The following TCTN1 variants were observed in gnomAD, a reference collection of about 807,000 sequenced individuals.
TCTN1 encodes tectonic family member 1, also known as tectonic-1.
In TCTN1, 58 loss-of-function variants were observed where a neutral mutation model predicts 65.8. The ratio of observed to expected loss-of-function variants is 0.88; its 90% CI spans 0.71 to 1.10. The LOEUF (loss-of-function observed/expected upper bound fraction) is 1.10. TCTN1 is among the 50% of genes least tolerant of loss of function. TCTN1 has a pLI of 0.00. For synonymous variants in TCTN1, 273 were observed against 289.1 expected, an observed-to-expected ratio of 0.94 and a Z score of 0.57; for missense variants, 645 against 719.4, an observed-to-expected ratio of 0.90 and a Z score of 1.18.
chr12:110,637,959 A>G (rs2066692673), intron 7 of TCTN1, among the ~76,000 whole-genome samples: 2 of 152,290 alleles, frequency 1.3e-5, no homozygotes, highest in South Asian at 4.1e-4. Context: ...AATGTGATGG[A>G]TGTTACTGGA....
intron 10 of TCTN1, 21 bp from the exon 11 acceptor site, chr12:110,642,228 G>C (rs1444553647): frequency 6.2e-7 from 1 of 1,614,050 alleles, no homozygotes; most frequent in South Asian, 1.1e-5. Flanking sequence ...CTAGGCAGTT[G>C]TCCCTTAACT....
Position 110,645,060 on chromosome 12 carries a change from A to C in TCTN1, c.1425A>C (p.Gly475=), listed in dbSNP as rs1369980150. Residue 475 remains glycine (G), a synonymous_variant, in exon 12 of 15, where the codon GGA becomes GGC. Coordinates refer to ENST00000397659, the MANE Select transcript of TCTN1 (RefSeq NM_001082538.3). The part of the protein sequence containing the change: ...QGFPDYVAPF[G]NSQAQDMLDW... ...TCCCAGATTACGTGGCCCCTTTTGG[A>C]AATTCCCAGGCCCAGGACATGCTGG... is the stretch of plus-strand genomic sequence containing the variant. 2 of 1,613,990 alleles carry C rather than the reference A, an allele frequency of 1.2e-6. No homozygotes were observed. The highest frequency in any genetic ancestry group is 2.2e-5 in the East Asian group (1 of 44,896).
chr12:110,633,042 G>A (rs1181344276), intron 5 of TCTN1, among the ~76,000 whole-genome samples: 1 of 152,180 alleles, frequency 6.6e-6, no homozygotes, highest in Non-Finnish European at 1.5e-5. Flanking sequence ...TTTTAGAGCA[G>A]GAAACAGAGA....
In TCTN1 at chr12:110,644,965, AGACT is replaced by A. The variant is rs749481321; in HGVS notation, c.1336_1339del (p.Thr446GlufsTer8). On this transcript the variant is annotated splice_acceptor_variant and coding_sequence_variant, in exon 12 of 15. Coordinates refer to ENST00000397659, the MANE Select transcript of TCTN1 (RefSeq NM_001082538.3). LOFTEE classifies it high-confidence loss of function. This position sits in a 1 kb window ranked among gnomAD's most constrained non-coding sequence, Gnocchi z 4.6. ...CAGTTGACTTCTTTTTCCTTCACCA[AGACT>A]GACTGGAGCTCTCCCGTGTCAGCTC... The A allele has an allele frequency of 1.2e-6, 2 of 1,614,150 alleles. No homozygotes were observed. The highest frequency in any genetic ancestry group is 2.2e-5 in the East Asian group (1 of 44,904).
chr12:110,632,560 G>A lies in TCTN1; in HGVS notation c.712+1G>A, dbSNP rs200863258. 53 of 1,613,580 alleles carry A rather than the reference G, an allele frequency of 3.3e-5. No individual in the cohort carries two copies. Among genetic ancestry groups the A allele is most frequent in the Non-Finnish European group, 4.2e-5 (50 of 1,179,726 alleles). On this transcript the variant is annotated splice_donor_variant, in intron 5 of 14. Transcript: ENST00000397659. LOFTEE classifies it high-confidence loss of function. ...CTGTGCACTGATAATAACCCTGCAGGTAAGAAAGTGGTCATTCTTCTTTCC... is the reference window on the plus strand; with the variant it reads ...CTGTGCACTGATAATAACCCTGCAGATAAGAAAGTGGTCATTCTTCTTTCC...
chr12:110,646,931 G>T, intron 12 of TCTN1: 1 of 462,422 alleles, frequency 2.2e-6, no homozygotes, highest in Non-Finnish European at 3.9e-6. Context: ...TTGGGTATTG[G>T]CACTACCGCA....
rs917811869 is a variant in TCTN1 at position 110,649,099 on chromosome 12, C to T, written c.*58C>T. The T allele has an allele frequency of 3.2e-5, 20 of 624,674 alleles. No homozygotes were observed. The highest frequency in any genetic ancestry group is 4.8e-5 in the Non-Finnish European group (16 of 336,480). The allele number at this position is 624,674 out of a possible 1,614,324, so 38.7% of individuals were successfully genotyped here. Reference sequence around the variant, plus strand: ...ACGTGAAATTTGAAAACTGTACATTCGGTGAGATTAAATTTTATATACAAC... The same window carrying T: ...ACGTGAAATTTGAAAACTGTACATTTGGTGAGATTAAATTTTATATACAAC... On this transcript the variant is annotated 3_prime_UTR_variant, in exon 15 of 15. Coordinates refer to ENST00000397659, the MANE Select transcript of TCTN1 (RefSeq NM_001082538.3).
intron 2 of TCTN1, among the ~76,000 whole-genome samples, chr12:110,623,755 A>T (rs2065616784): frequency 6.6e-6 from 1 of 151,984 alleles, no homozygotes; most frequent in South Asian, 2.1e-4. Context: ...TGCCGGGCTA[A>T]TTTTTTCTTT....
intron 7 of TCTN1, among the ~76,000 whole-genome samples, chr12:110,637,898 A>C (rs982346145): frequency 4.6e-5 from 7 of 152,176 alleles, no homozygotes; most frequent in Middle Eastern, 6.8e-3. Flanking sequence ...TTAGTGATGA[A>C]TGACTAGGAA....
Position 110,639,038 on chromosome 12 carries a change from G to A in TCTN1, c.844-1345G>A, listed in dbSNP as rs1410838899. 1.3e-5 allele frequency among the ~76,000 whole-genome samples: 2 copies of A among 152,126 alleles called. No homozygotes were observed. The highest frequency in any genetic ancestry group is 4.8e-5 in the African/African-American group (2 of 41,426). ...CTTCTATGAGAGGTTTTGACTCGCA[G>A]GTCTTCTTGGTCATGGGAGCAGACA... On this transcript the variant is annotated intron_variant, in intron 7 of 14. Transcript: ENST00000397659. The surrounding 1 kb of genome is among the most constrained non-coding windows in gnomAD (Gnocchi z 4.9).
At chr12:110,645,163 G>A in intron 12 of TCTN1, 34 bp downstream of exon 12, 3 of 1,611,704 alleles carry the variant, frequency 1.9e-6, no homozygotes. Context: ...CCATGCTAGT[G>A]GTCTCTGTCT....
intron 3 of TCTN1, chr12:110,628,163 C>T: frequency 1.3e-6 from 2 of 1,536,090 alleles, no homozygotes; most frequent in Non-Finnish European, 1.7e-6. Context: ...ACAGCAAACT[C>T]ATCAGTCCAG....
At chr12:110,620,003 A>G (rs779140766) in intron 2 of TCTN1, 47 bp downstream of exon 2, 1 of 1,613,992 alleles carries the variant, frequency 6.2e-7, no homozygotes. Flanking sequence ...TTTGACCAGG[A>G]TAATACAATT....
At chr12:110,614,899 A>G (rs1161685496) in intron 1 of TCTN1, among the ~76,000 whole-genome samples, 1 of 152,234 alleles carries the variant, frequency 6.6e-6, no homozygotes, top group African/African-American at 2.4e-5. Context: ...GGGAGGGGTT[A>G]TGCTCACTTC....
Position 110,628,755 on chromosome 12 carries a change from T to A in TCTN1, c.473-12T>A, listed in dbSNP as rs1234403605. On this transcript the variant is annotated splice_polypyrimidine_tract_variant and intron_variant, in intron 3 of 14. Coordinates refer to ENST00000397659, the MANE Select transcript of TCTN1 (RefSeq NM_001082538.3). The stretch of plus-strand genomic sequence containing the variant: ...TATACCGATTTAAAATACTGTTTTT[T>A]TTAAAAAACAGATAAACCTGCATTA... 6.3e-7 allele frequency: 1 copy of A among 1,589,992 alleles called. No individual in the cohort carries two copies. Among genetic ancestry groups the A allele is most frequent in the Admixed American group, 1.7e-5 (1 of 59,670 alleles).
intron 1 of TCTN1, among the ~76,000 whole-genome samples, chr12:110,618,828 A>C (rs939303307): frequency 2.6e-5 from 4 of 152,166 alleles, no homozygotes; most frequent in African/African-American, 9.7e-5. Context: ...TTAAAAATCC[A>C]GATAATCATC....
intron 1 of TCTN1, among the ~76,000 whole-genome samples, chr12:110,618,314 C>A (rs986143799): frequency 6.6e-6 from 1 of 151,896 alleles, no homozygotes; most frequent in Non-Finnish European, 1.5e-5. Flanking sequence ...GATCTCGGCT[C>A]ACTGCAAACC....
chr12:110,623,584 G>C (rs530022722), intron 2 of TCTN1, among the ~76,000 whole-genome samples: 2 of 152,162 alleles, frequency 1.3e-5, no homozygotes, highest in African/African-American at 4.8e-5. Flanking sequence ...TCATAAAGAT[G>C]TATGTATAAG....
Position 110,640,317 on chromosome 12 carries a change from G to C in TCTN1, c.844-66G>C. ...ATCAGGGGAGGTTTCTTTCCAGTTG[G>C]TTGGTTATTTTAGCCCATCCTCCCT... is the stretch of plus-strand genomic sequence containing the variant. On this transcript the variant is annotated intron_variant, in intron 7 of 14. Coordinates refer to ENST00000397659, the MANE Select transcript of TCTN1 (RefSeq NM_001082538.3). This position sits in a 1 kb window ranked among gnomAD's most constrained non-coding sequence, Gnocchi z 4.9. The C allele has an allele frequency of 6.2e-7, 1 of 1,608,976 alleles. No individual in the cohort carries two copies.
Sources: gnomAD v4.1 joint callset for allele counts (sites outside exome capture counted in the v4.1 genomes callset) on GRCh38, gnomAD v4.1.1 for gene constraint, Gnocchi (gnomAD v3.1) non-coding constraint, MANE v1.5 for transcripts, NCBI Gene and HGNC (gene_info 2026-07-23, HGNC 2026-07-21) for gene names.